CDKAL1: variants seen among roughly 807,000 people sequenced by gnomAD.
CDKAL1 encodes the protein threonylcarbamoyladenosine tRNA methylthiotransferase.
CDKAL1 carries 32 observed loss-of-function variants against 68.2 expected under a neutral mutation model. That is an observed-to-expected ratio of 0.47 (90% CI 0.35 to 0.63). CDKAL1 has a LOEUF of 0.63. Ranked by LOEUF, CDKAL1 falls within the 30% of genes least tolerant of loss-of-function variation. The pLI is 0.00. For missense variants in CDKAL1, 606 were observed against 696.7 expected (o/e 0.87, Z 1.47); for synonymous variants, 234 against 244.3 (o/e 0.96, Z 0.39).
chr6:20,535,639 C>G (rs901061425), intron 2 of CDKAL1, among the ~76,000 whole-genome samples: 1 of 152,108 alleles, frequency 6.6e-6, no homozygotes, highest in Non-Finnish European at 1.5e-5. Flanking sequence ...TTCCATGGCC[C>G]ATGGATTTTT....
At chr6:21,111,054 A>C (rs184809875) in intron 13 of CDKAL1, among the ~76,000 whole-genome samples, 1 of 152,186 alleles carries the variant, frequency 6.6e-6, no homozygotes, top group South Asian at 2.1e-4. Flanking sequence ...GTTGGTGATT[A>C]TCAAAACTAA....
At chr6:20,863,222 G>T (rs1349527566) in intron 9 of CDKAL1, among the ~76,000 whole-genome samples, 1 of 152,076 alleles carries the variant, frequency 6.6e-6, no homozygotes, top group Non-Finnish European at 1.5e-5. Context: ...TGGACTGTAG[G>T]ATGACATGAT....
chr6:20,550,185 C>A (rs1763763554), intron 4 of CDKAL1, among the ~76,000 whole-genome samples: 1 of 151,858 alleles, frequency 6.6e-6, no homozygotes, highest in South Asian at 2.1e-4. Flanking sequence ...GCCATGGTAG[C>A]CAGGCTGGTC....
chr6:21,035,470 T>A (rs1327167831), intron 11 of CDKAL1, among the ~76,000 whole-genome samples: 1 of 152,150 alleles, frequency 6.6e-6, no homozygotes, highest in African/African-American at 2.4e-5. Flanking sequence ...TCCTTGTACA[T>A]GTATTTTAAA....
rs1178644658 is a variant in CDKAL1, at chr6:20,741,143, TCTCC to T, written c.468+1529_468+1532del. 2.0e-5 allele frequency among the ~76,000 whole-genome samples: 3 copies of T among 152,032 alleles called. No individual in the cohort carries two copies. In the East Asian group the frequency reaches 5.8e-4, roughly 29 times the overall value. On this transcript the variant is annotated intron_variant, in intron 6 of 15. Transcript: ENST00000274695. ...GCGTATGTTAGGATGTACAGGAGATTCTCCAGATGCAGTGTAAGGGAGGACACTT... is the reference window on the plus strand; with the variant it reads ...GCGTATGTTAGGATGTACAGGAGATTAGATGCAGTGTAAGGGAGGACACTT...
intron 8 of CDKAL1, among the ~76,000 whole-genome samples, chr6:20,811,975 G>A (rs979248187): frequency 1.3e-5 from 2 of 152,060 alleles, no homozygotes; most frequent in African/African-American, 2.4e-5. Flanking sequence ...ACGTAATCAG[G>A]GTATAGGCCA....
At chr6:21,168,944 C>G (rs1248973249) in intron 13 of CDKAL1, among the ~76,000 whole-genome samples, 1 of 151,920 alleles carries the variant, frequency 6.6e-6, no homozygotes, top group East Asian at 1.9e-4. Context: ...GTTTTCTGCC[C>G]AAGACAGGAG....
intron 4 of CDKAL1, among the ~76,000 whole-genome samples, chr6:20,575,253 A>G (rs886832836): frequency 2.6e-5 from 4 of 152,076 alleles, no homozygotes; most frequent in Admixed American, 6.6e-5. Context: ...AACAGTTCAA[A>G]CAGTAAGAAA....
intron 8 of CDKAL1, among the ~76,000 whole-genome samples, chr6:20,806,580 A>G (rs1451905867): frequency 6.6e-6 from 1 of 152,172 alleles, no homozygotes; most frequent in Non-Finnish European, 1.5e-5. Context: ...AGCTGATTTA[A>G]TTCCCACCAG....
chr6:20,733,257 C>T (rs1188033199), intron 5 of CDKAL1, among the ~76,000 whole-genome samples: 1 of 152,226 alleles, frequency 6.6e-6, no homozygotes, highest in African/African-American at 2.4e-5. Context: ...TTCCATTCTT[C>T]CCTTTTACAT....
chr6:20,849,554 G>A (rs1758892876), intron 9 of CDKAL1, among the ~76,000 whole-genome samples: 1 of 143,864 alleles, frequency 7.0e-6, no homozygotes, highest in Admixed American at 7.1e-5. Context: ...CTGAACTCGA[G>A]CCTGGGCGAC....
chr6:20,777,001 C>T (rs1387908396), intron 7 of CDKAL1, among the ~76,000 whole-genome samples: 2 of 152,090 alleles, frequency 1.3e-5, no homozygotes, highest in Non-Finnish European at 2.9e-5. Flanking sequence ...GGAAGGTCTG[C>T]GGCTCTACTG....
At chr6:20,957,640 G>A (rs1764842454) in intron 10 of CDKAL1, among the ~76,000 whole-genome samples, 1 of 152,134 alleles carries the variant, frequency 6.6e-6, no homozygotes, top group Non-Finnish European at 1.5e-5. Context: ...ATCCCACCCA[G>A]TAGTGGCTCA....
intron 15 of CDKAL1, among the ~76,000 whole-genome samples, chr6:21,225,721 C>G (rs1416467105): frequency 6.6e-6 from 1 of 152,144 alleles, no homozygotes; most frequent in Admixed American, 6.5e-5. Context: ...AAAACCCATG[C>G]TCATTCATTA....
intron 4 of CDKAL1, among the ~76,000 whole-genome samples, chr6:20,586,978 GT>G (rs750210435): frequency 3.5e-3 from 154 of 44,458 alleles, no homozygotes; most frequent in South Asian, 0.018. Context: ...TCCTCCAGGT[GT>G]TTTTTTTTTT....
chr6:20,587,137 C>T (rs1765401901), intron 4 of CDKAL1, among the ~76,000 whole-genome samples: 1 of 151,894 alleles, frequency 6.6e-6, no homozygotes, highest in South Asian at 2.1e-4. Context: ...CAGGCGCGTG[C>T]CACCACGCCC....
chr6:20,741,792 G>A (rs138597077), intron 6 of CDKAL1, among the ~76,000 whole-genome samples: 1,674 of 152,140 alleles, frequency 0.011, 29 homozygotes, highest in African/African-American at 0.037. Context: ...TGTTTTTGTG[G>A]TAGAATGATT....
chr6:21,132,471 AGCT>A lies in CDKAL1; in HGVS notation c.1299+24009_1299+24011del, dbSNP rs1310195401. ...ATGCTGAAATTTTAAAAATCTCTTA[AGCT>A]CAGCCATTATACATAAGGTCTTATT... On this transcript the variant is annotated intron_variant, in intron 13 of 15. Transcript: ENST00000274695. 4.0e-3 allele frequency among the ~76,000 whole-genome samples: 609 copies of A among 152,268 alleles called. 5 individuals carry two copies. The highest frequency in any genetic ancestry group is 0.014 in the African/African-American group (580 of 41,570).
chr6:20,986,922 A>C (rs1312947147), intron 10 of CDKAL1, among the ~76,000 whole-genome samples: 2 of 152,226 alleles, frequency 1.3e-5, no homozygotes, highest in Non-Finnish European at 2.9e-5. Flanking sequence ...GAAAGACCTC[A>C]AACTGAAAAA....
Sources: allele counts gnomAD v4.1 joint callset (sites outside exome capture counted in the v4.1 genomes callset), GRCh38; gene constraint gnomAD v4.1.1; transcripts MANE v1.5; gene names NCBI Gene and HGNC (gene_info 2026-07-23, HGNC 2026-07-21).